NCAM1: variants seen among roughly 807,000 people sequenced by gnomAD.
The protein encoded by NCAM1 is neural cell adhesion molecule 1, also known as antigen recognized by monoclonal antibody 5.1H11.
In NCAM1, 14 loss-of-function variants were observed where a neutral mutation model predicts 109.8. The observed-to-expected ratio is 0.13, with a 90% CI of 0.08 to 0.20. The LOEUF is 0.20. Ranked by LOEUF, NCAM1 falls within the 10% of genes least tolerant of loss-of-function variation. NCAM1 has a pLI of 1.00. For missense variants in NCAM1, 774 were observed against 1,109.9 expected (o/e 0.70, Z 4.30); for synonymous variants, 418 against 442.9 (o/e 0.94, Z 0.70).
intron 1 of NCAM1, among the ~76,000 whole-genome samples, chr11:113,098,295 A>C (rs548528479): frequency 6.6e-6 from 1 of 152,280 alleles, no homozygotes; most frequent in Non-Finnish European, 1.5e-5. Flanking sequence ...ACCAGAATAC[A>C]TGGATGCTCA....
chr11:113,206,138 C>A lies in NCAM1; in HGVS notation c.586C>A (p.Arg196=), dbSNP rs576548045. The A allele has an allele frequency of 6.2e-7, 1 of 1,613,630 alleles. No homozygotes were observed. The highest frequency in any genetic ancestry group is 1.1e-5 in the South Asian group (1 of 91,020). Residue 196 remains arginine, a synonymous_variant, in exon 5 of 20, where the codon CGG becomes AGG. Transcript: ENST00000316851. ...TCGCTGTGAGGGCAGAATCCTGGCA[C>A]GGGGGGAGATCAACTTCAAGGACAT... ...TYRCEGRILA[R]GEINFKDIQV...
chr11:112,988,065 C>T (rs529009867), intron 1 of NCAM1, among the ~76,000 whole-genome samples: 1 of 151,846 alleles, frequency 6.6e-6, no homozygotes, highest in Admixed American at 6.6e-5. Context: ...TAGGTTTTTG[C>T]TTTGTAGTTA....
intron 1 of NCAM1, chr11:113,040,857 T>TCTGGCTGGAATAACATG (rs1953052337): frequency 6.6e-6 from 1 of 152,230 alleles, no homozygotes; most frequent in African/African-American, 2.4e-5. Flanking sequence ...CTTCATCCCT[T>TCTGGCTGGAATAACATG]CTGGCTGGAA....
chr11:113,055,085 A>G (rs546793149), intron 1 of NCAM1, among the ~76,000 whole-genome samples: 2 of 152,326 alleles, frequency 1.3e-5, no homozygotes, highest in Non-Finnish European at 2.9e-5. Context: ...CACATTCTTT[A>G]TGTTTTGAAA....
chr11:113,043,529 G>C (rs1486356575), intron 1 of NCAM1, among the ~76,000 whole-genome samples: 1 of 152,052 alleles, frequency 6.6e-6, no homozygotes, highest in African/African-American at 2.4e-5. Flanking sequence ...TAGAGACAGG[G>C]TTTCACCATG....
chr11:113,154,153 C>T (rs1942331868), intron 1 of NCAM1, among the ~76,000 whole-genome samples: 1 of 152,190 alleles, frequency 6.6e-6, no homozygotes, highest in African/African-American at 2.4e-5. Flanking sequence ...CAGACATTTC[C>T]AGCCAAAGTT....
chr11:113,066,217 A>G (rs570781332), intron 1 of NCAM1, among the ~76,000 whole-genome samples: 106 of 150,624 alleles, frequency 7.0e-4, no homozygotes, highest in African/African-American at 2.1e-3. Flanking sequence ...CAGTTCAGTG[A>G]GAAAAAAAAA....
At chr11:113,033,127 C>G (rs1023062926) in intron 1 of NCAM1, among the ~76,000 whole-genome samples, 1 of 152,214 alleles carries the variant, frequency 6.6e-6, no homozygotes, top group Admixed American at 6.5e-5. Flanking sequence ...AATTCAGACA[C>G]ATCACTGCTT....
chr11:113,043,172 A>AG (rs1208770852), intron 1 of NCAM1, among the ~76,000 whole-genome samples: 1 of 151,364 alleles, frequency 6.6e-6, no homozygotes, highest in Non-Finnish European at 1.5e-5. Flanking sequence ...CAGATCAGGG[A>AG]GGGGGGCTGT....
At chr11:113,221,009 C>A (rs1056853082) in intron 8 of NCAM1, among the ~76,000 whole-genome samples, 2 of 152,158 alleles carry the variant, frequency 1.3e-5, no homozygotes, top group Non-Finnish European at 2.9e-5. Context: ...GGAACAAGAG[C>A]AGTCTGGTCC....
At chr11:113,138,833 T>C (rs1385487737) in intron 1 of NCAM1, among the ~76,000 whole-genome samples, 1 of 152,220 alleles carries the variant, frequency 6.6e-6, no homozygotes, top group Non-Finnish European at 1.5e-5. Context: ...ATTTCAGCAT[T>C]TCTTAACATC....
chr11:113,059,839 A>C (rs782340147), intron 1 of NCAM1, among the ~76,000 whole-genome samples: 1 of 152,156 alleles, frequency 6.6e-6, no homozygotes, highest in Non-Finnish European at 1.5e-5. Context: ...ATGGAGAAAA[A>C]GCTTGATTTT....
chr11:112,964,942 T>G (rs2134458190), intron 1 of NCAM1, among the ~76,000 whole-genome samples: 1 of 152,364 alleles, frequency 6.6e-6, no homozygotes, highest in South Asian at 2.1e-4. Context: ...ATAAAGGTCT[T>G]AAAGATCTGC....
chr11:113,136,736 A>G (rs1941613666), intron 1 of NCAM1, among the ~76,000 whole-genome samples: 3 of 152,006 alleles, frequency 2.0e-5, no homozygotes, highest in African/African-American at 7.3e-5. Context: ...GTTTAGGAAA[A>G]TGCTAGCAGT....
intron 1 of NCAM1, among the ~76,000 whole-genome samples, chr11:113,100,799 A>T (rs1939841239): frequency 6.6e-6 from 1 of 152,160 alleles, no homozygotes; most frequent in Admixed American, 6.5e-5. Flanking sequence ...GAAAACAGGG[A>T]TGTGAAGTTC....
intron 17 of NCAM1, chr11:113,264,674 A>G (rs1303513720): frequency 1.0e-6 from 1 of 985,390 alleles, no homozygotes; most frequent in Admixed American, 6.2e-5. Context: ...GGAGAGGGGC[A>G]GTGTCCATCT....
At chr11:112,964,131 T>G in intron 1 of NCAM1, among the ~76,000 whole-genome samples, 1 of 110,784 alleles carries the variant, frequency 9.0e-6, no homozygotes, top group East Asian at 2.5e-4. Flanking sequence ...TATCTGAGGT[T>G]TTTTTTTTGT....
intron 1 of NCAM1, among the ~76,000 whole-genome samples, chr11:113,035,545 T>A (rs1405809020): frequency 6.6e-6 from 1 of 152,198 alleles, no homozygotes; most frequent in East Asian, 1.9e-4. Context: ...GTATTGTTCT[T>A]TTTTAAGAGC....
At chr11:113,266,553 A>T (rs1198109221) in intron 17 of NCAM1, among the ~76,000 whole-genome samples, 1 of 152,058 alleles carries the variant, frequency 6.6e-6, no homozygotes, top group African/African-American at 2.4e-5. Flanking sequence ...GGGAGGGAAG[A>T]CCTAGGAGCG....
Sources: allele counts gnomAD v4.1 joint callset (sites outside exome capture counted in the v4.1 genomes callset), GRCh38; gene constraint gnomAD v4.1.1; transcripts MANE v1.5; gene names NCBI Gene and HGNC (gene_info 2026-07-23, HGNC 2026-07-21).